The following NUMB variants were observed in gnomAD, a reference collection of about 807,000 sequenced individuals.
NUMB encodes NUMB endocytic adaptor protein.
NUMB carries 29 observed loss-of-function variants against 59.7 expected under a neutral mutation model. The ratio of observed to expected loss-of-function variants is 0.49; its 90% CI spans 0.36 to 0.66. The LOEUF (loss-of-function observed/expected upper bound fraction) is 0.66. NUMB is among the 30% of genes least tolerant of loss of function. NUMB has a pLI of 0.00. For missense variants in NUMB, 723 were observed against 822.0 expected (o/e 0.88, Z 1.47); for synonymous variants, 288 against 288.2 (o/e 1.00, Z 0.01).
intron 4 of NUMB, among the ~76,000 whole-genome samples, chr14:73,350,536 C>T (rs927577453): frequency 6.6e-6 from 1 of 151,662 alleles, no homozygotes; most frequent in Non-Finnish European, 1.5e-5. Context: ...ATTTCTATTA[C>T]CTTTACCTAC....
chr14:73,420,844 A>C (rs1175830226), intron 1 of NUMB, among the ~76,000 whole-genome samples: 1 of 152,190 alleles, frequency 6.6e-6, no homozygotes. Context: ...GCTGCACTCC[A>C]GCCCGAGCAA....
intron 2 of NUMB, among the ~76,000 whole-genome samples, chr14:73,406,599 G>GGT (rs777781988): frequency 3.3e-5 from 5 of 151,936 alleles, no homozygotes; most frequent in Non-Finnish European, 7.4e-5. Flanking sequence ...TGATCTTTTG[G>GGT]GTATATACCC....
chr14:73,362,939 A>G (rs1002343920), intron 3 of NUMB, among the ~76,000 whole-genome samples: 1 of 152,062 alleles, frequency 6.6e-6, no homozygotes, highest in Non-Finnish European at 1.5e-5. Flanking sequence ...GTTTGAGTCT[A>G]GGAGTTCAAT....
intron 5 of NUMB, among the ~76,000 whole-genome samples, chr14:73,319,738 TC>T (rs1431368259): frequency 6.6e-6 from 1 of 152,038 alleles, no homozygotes; most frequent in African/African-American, 2.4e-5. Context: ...AAGACAAAAA[TC>T]AGGAATACAT....
chr14:73,448,344 T>G (rs1251528654), intron 1 of NUMB, among the ~76,000 whole-genome samples: 2 of 152,162 alleles, frequency 1.3e-5, no homozygotes, highest in African/African-American at 2.4e-5. Flanking sequence ...TAATATAGCT[T>G]TTAACAGCTT....
rs534463999 is a variant in NUMB, at chr14:73,381,454, C to T, written c.-100-14473G>A. 4.6e-5 allele frequency among the ~76,000 whole-genome samples: 7 copies of T among 152,262 alleles called. No individual in the cohort carries two copies. In the South Asian group the frequency reaches 1.2e-3, roughly 27 times the overall value. The stretch of plus-strand genomic sequence containing the variant: ...GACCAAGCTTCTTTGATGCTTTAAA[C>T]CTGCCATGCTTCTTTTCCCTTCAAG... On this transcript the variant is annotated intron_variant, in intron 2 of 12. Transcript: ENST00000555238.
intron 1 of NUMB, among the ~76,000 whole-genome samples, chr14:73,422,615 G>A (rs961519662): frequency 6.6e-6 from 1 of 151,912 alleles, no homozygotes; most frequent in African/African-American, 2.4e-5. Context: ...TGAGGGCCTC[G>A]GGAAGCTTAC....
intron 3 of NUMB, chr14:73,356,941 T>TC (rs1870910281): frequency 2.8e-6 from 1 of 359,128 alleles, no homozygotes; most frequent in South Asian, 1.1e-4. Context: ...AAAGCAATCC[T>TC]CCCGCCTTGG....
intron 10 of NUMB, among the ~76,000 whole-genome samples, chr14:73,283,667 C>A (rs1888790407): frequency 6.6e-6 from 1 of 152,236 alleles, no homozygotes; most frequent in Non-Finnish European, 1.5e-5. Context: ...GGACAATGAG[C>A]ACATATCCAT....
At chr14:73,296,636 T>G (rs981937423) in intron 7 of NUMB, among the ~76,000 whole-genome samples, 4 of 152,170 alleles carry the variant, frequency 2.6e-5, no homozygotes, top group African/African-American at 9.7e-5. Flanking sequence ...AGGATAAAGC[T>G]TCAACAATAT....
intron 6 of NUMB, among the ~76,000 whole-genome samples, chr14:73,300,536 T>C (rs1055350549): frequency 2.6e-5 from 4 of 152,172 alleles, no homozygotes; most frequent in African/African-American, 4.8e-5. Flanking sequence ...TTGTTTGGAT[T>C]TGAATTCTGG....
chr14:73,439,417 G>A (rs1485906166), intron 1 of NUMB, among the ~76,000 whole-genome samples: 1 of 152,064 alleles, frequency 6.6e-6, no homozygotes, highest in East Asian at 1.9e-4. Flanking sequence ...AAAACAGTAA[G>A]TTTCTTTCAA....
intron 2 of NUMB, among the ~76,000 whole-genome samples, chr14:73,385,327 TGGTAGAGAC>T (rs1895454565): frequency 6.9e-6 from 1 of 145,080 alleles, no homozygotes; most frequent in Non-Finnish European, 1.5e-5. Flanking sequence ...TTTTTTTTTT[TGGTAGAGAC>T]AGAGTCTCGC....
chr14:73,319,089 C>G (rs527602458), intron 5 of NUMB, among the ~76,000 whole-genome samples: 5 of 152,262 alleles, frequency 3.3e-5, no homozygotes, highest in Admixed American at 2.6e-4. Context: ...GCCTGGCCAA[C>G]ATGGTGAAAC....
chr14:73,287,393 G>C, intron 8 of NUMB, 79 bp from the exon 9 acceptor site: 1 of 1,275,030 alleles, frequency 7.8e-7, no homozygotes, highest in Non-Finnish European at 1.1e-6. Context: ...GTTTTGTTTT[G>C]TTTTTGAGAC....
chr14:73,355,779 GA>G lies in NUMB; in HGVS notation c.-15-14del, dbSNP rs553649233. On this transcript the variant is annotated splice_polypyrimidine_tract_variant and intron_variant, in intron 3 of 12. Coordinates refer to ENST00000555238, the MANE Select transcript of NUMB (RefSeq NM_001005743.2). ...TAATTTTTACAGCCTGAAGACAGAG[GA>G]AAAAAAATATTTAAAAGAAATATTA... 2.4e-4 allele frequency: 369 copies of G among 1,567,402 alleles called. No individual in the cohort carries two copies. The African/African-American group carries it at 2.9e-3, about 12-fold the overall frequency.
At chr14:73,379,046 A>C (rs1035935467) in intron 2 of NUMB, among the ~76,000 whole-genome samples, 2 of 152,176 alleles carry the variant, frequency 1.3e-5, no homozygotes, top group Admixed American at 6.5e-5. Flanking sequence ...TATTTTCTTA[A>C]AAATTGCCAC....
At chr14:73,299,595 TATATGATATGA>T (rs1566732888) in intron 6 of NUMB, among the ~76,000 whole-genome samples, 1 of 150,678 alleles carries the variant, frequency 6.6e-6, no homozygotes, top group African/African-American at 2.5e-5. Flanking sequence ...TCATGTCATA[TATATGATATGA>T]CATATATATG....
In NUMB at chr14:73,437,003, C is replaced by T. The variant is rs1026308469; in HGVS notation, c.-233+21490G>A. Among the ~76,000 whole-genome samples the T allele has an allele frequency of 2.7e-5, 4 of 149,934 alleles. No individual in the cohort carries two copies. The East Asian group carries it at 5.8e-4, about 22-fold the overall frequency. On this transcript the variant is annotated intron_variant, in intron 1 of 12. Coordinates refer to ENST00000555238, the MANE Select transcript of NUMB (RefSeq NM_001005743.2). ...AAAAAAATAAAGAAAAAAAAAGAAA[C>T]TCTTAAATATATTTGTACCTATATA...
Sources: gnomAD v4.1 joint callset for allele counts (sites outside exome capture counted in the v4.1 genomes callset) on GRCh38, gnomAD v4.1.1 for gene constraint, MANE v1.5 for transcripts, NCBI Gene and HGNC (gene_info 2026-07-23, HGNC 2026-07-21) for gene names.